RNF175: variants seen among roughly 807,000 people sequenced by gnomAD.
RNF175 encodes ring finger protein 175.
In RNF175, 38 loss-of-function variants were observed where a neutral mutation model predicts 50.0. That is an observed-to-expected ratio of 0.76 (90% CI 0.59 to 1.00). The LOEUF (loss-of-function observed/expected upper bound fraction) is 1.00, where lower values mean the gene tolerates loss of function less well. Among genes scored for constraint, RNF175 ranks in the 50% least tolerant of loss-of-function variants. The pLI is 0.00. For missense variants in RNF175, 388 were observed against 409.6 expected (o/e 0.95, Z 0.46); for synonymous variants, 155 against 146.1 (o/e 1.06, Z -0.44).
At chr4:153,715,708 G>A in intron 6 of RNF175, 46 bp from the exon 7 acceptor site, 1 of 1,584,660 alleles carries the variant, frequency 6.3e-7, no homozygotes, top group Non-Finnish European at 8.6e-7. Context: ...GAGAGCACAT[G>A]CCACTCTCTG....
intron 2 of RNF175, among the ~76,000 whole-genome samples, chr4:153,750,928 A>G (rs1251488586): frequency 8.9e-6 from 1 of 112,756 alleles, no homozygotes; most frequent in African/African-American, 2.6e-5. Flanking sequence ...TATAATAAAA[A>G]TGCATCTCAA....
At position 153,715,656 on chromosome 4, in the gene RNF175, T is replaced by C; in HGVS notation, c.637A>G (p.Ser213Gly). Residue 213 changes from serine to glycine, a missense_variant, in exon 7 of 9, where the codon AGT becomes GGT. Ser to Gly is a moderately conservative substitution (Grantham distance 56). Transcript: ENST00000347063. ...DYMASTIGFY[S>G]VSRLPTRSLS... ...CTCCTTGTAGGCAACCGGCTGACAC[T>C]GTAGAACTATCAGAGGAAATGGACA... 6 of 1,613,624 alleles carry C rather than the reference T, an allele frequency of 3.7e-6. No individual in the cohort carries two copies. Among genetic ancestry groups the C allele is most frequent in the Non-Finnish European group, 5.1e-6 (6 of 1,179,702 alleles).
At chr4:153,745,132 C>G (rs558848566) in intron 3 of RNF175, among the ~76,000 whole-genome samples, 1 of 152,174 alleles carries the variant, frequency 6.6e-6, no homozygotes, top group African/African-American at 2.4e-5. Context: ...AACTGAGGAC[C>G]TTTTCCCTTT....
At chr4:153,754,442 AGTG>A (rs2127166675) in intron 1 of RNF175, among the ~76,000 whole-genome samples, 1 of 152,206 alleles carries the variant, frequency 6.6e-6, no homozygotes, top group South Asian at 2.1e-4. Context: ...GAGTCTGAAA[AGTG>A]AGATGTGTGG....
Position 153,760,015 on chromosome 4 carries a change from G to A in RNF175, c.-153C>T, listed in dbSNP as rs899787477. The A allele has an allele frequency of 4.7e-6, 2 of 425,280 alleles. No homozygotes were observed. Among genetic ancestry groups the A allele is most frequent in the Admixed American group, 4.5e-5 (1 of 22,276 alleles). 26.3% of individuals were successfully genotyped at this position (425,280 alleles called of 1,614,324 possible). A position where few individuals can be genotyped will look rare whatever the true frequency, so the allele number is the denominator to read the frequency against. On this transcript the variant is annotated 5_prime_UTR_variant, in exon 1 of 9. Transcript: ENST00000347063. ...CGGCGGCCCTGCCCGGGTTGTGCGGGGCGGGAGATGGGAGCCTCCCGGCAC... is the reference window on the plus strand; with the variant it reads ...CGGCGGCCCTGCCCGGGTTGTGCGGAGCGGGAGATGGGAGCCTCCCGGCAC...
intron 3 of RNF175, among the ~76,000 whole-genome samples, chr4:153,731,455 G>A (rs1376610931): frequency 3.3e-5 from 5 of 152,122 alleles, no homozygotes; most frequent in Non-Finnish European, 7.3e-5. Context: ...CATCACTCAC[G>A]TTCTCCCCAA....
chr4:153,738,712 T>A (rs576504621), intron 3 of RNF175, among the ~76,000 whole-genome samples: 4 of 152,358 alleles, frequency 2.6e-5, no homozygotes, highest in African/African-American at 9.6e-5. Context: ...CCATTCACAT[T>A]TGAAGTGATT....
At chr4:153,716,442 T>C (rs1384753821) in intron 6 of RNF175, among the ~76,000 whole-genome samples, 1 of 152,192 alleles carries the variant, frequency 6.6e-6, no homozygotes, top group Non-Finnish European at 1.5e-5. Flanking sequence ...TGCTGAGCAA[T>C]CACCATTAGA....
chr4:153,757,583 C>T lies in RNF175; in HGVS notation c.66+2214G>A, dbSNP rs75497264. ...GTATTCATTGGTAAGGAATTCATGT[C>T]ACAAGGCAAGGCTGCATGCCTGTGG... On this transcript the variant is annotated intron_variant, in intron 1 of 8. Coordinates refer to ENST00000347063, the MANE Select transcript of RNF175 (RefSeq NM_173662.4). Among the ~76,000 whole-genome samples, 9 of 152,214 alleles carry T rather than the reference C, an allele frequency of 5.9e-5. No individual in the cohort carries two copies. In the East Asian group the frequency reaches 1.5e-3, roughly 26 times the overall value.
intron 6 of RNF175, among the ~76,000 whole-genome samples, chr4:153,718,226 G>GTTTTTTTTTTTTTTTTTT (rs1325216298): frequency 2.3e-4 from 7 of 30,580 alleles, no homozygotes; most frequent in Non-Finnish European, 2.9e-4. Flanking sequence ...TTGTTTGTTT[G>GTTTTTTTTTTTTTTTTTT]TTTGTTTGTT....
chr4:153,726,045 A>T (rs532745001), intron 4 of RNF175, among the ~76,000 whole-genome samples: 1 of 152,062 alleles, frequency 6.6e-6, no homozygotes, highest in African/African-American at 2.4e-5. Context: ...AATGTGATCA[A>T]GCCCAGCTCT....
intron 2 of RNF175, among the ~76,000 whole-genome samples, chr4:153,750,682 T>G (rs1484484890): frequency 6.9e-6 from 1 of 144,370 alleles, no homozygotes; most frequent in African/African-American, 2.6e-5. Flanking sequence ...AAAAACAAAC[T>G]TGTTCCCCTG....
At chr4:153,725,625 A>G (rs1765697964) in intron 4 of RNF175, among the ~76,000 whole-genome samples, 2 of 152,210 alleles carry the variant, frequency 1.3e-5, no homozygotes, top group African/African-American at 4.8e-5. Flanking sequence ...TTTGCAGCCA[A>G]GTAGTTCTTT....
chr4:153,747,691 C>T (rs985940205), intron 3 of RNF175, among the ~76,000 whole-genome samples: 1 of 152,228 alleles, frequency 6.6e-6, no homozygotes, highest in Non-Finnish European at 1.5e-5. Flanking sequence ...TACTCCATTA[C>T]AGCAAGACCA....
intron 3 of RNF175, chr4:153,745,762 G>C (rs1168634270): frequency 1.3e-5 from 2 of 152,230 alleles, no homozygotes; most frequent in Non-Finnish European, 2.9e-5. Flanking sequence ...AAGAGGGCCA[G>C]AGAAAATGAG....
intron 5 of RNF175, among the ~76,000 whole-genome samples, chr4:153,722,187 C>T (rs1738380106): frequency 6.6e-6 from 1 of 152,168 alleles, no homozygotes; most frequent in Non-Finnish European, 1.5e-5. Flanking sequence ...TGTCTTCAGT[C>T]CCCTTTCCAG....
chr4:153,733,675 TC>T (rs1739173425), intron 3 of RNF175, among the ~76,000 whole-genome samples: 1 of 152,164 alleles, frequency 6.6e-6, no homozygotes, highest in Non-Finnish European at 1.5e-5. Flanking sequence ...TGCAGTTAGA[TC>T]CCCTTGCACA....
intron 1 of RNF175, among the ~76,000 whole-genome samples, chr4:153,755,544 G>A (rs553660065): frequency 2.0e-5 from 3 of 150,024 alleles, no homozygotes; most frequent in African/African-American, 4.9e-5. Context: ...ATGAAGAATC[G>A]AAGATAAATT....
intron 3 of RNF175, among the ~76,000 whole-genome samples, chr4:153,732,323 T>C (rs1016205751): frequency 6.6e-6 from 1 of 152,118 alleles, no homozygotes; most frequent in East Asian, 1.9e-4. Context: ...CCTTAGAAAT[T>C]CAGTTGGTTC....
Sources: gnomAD v4.1 joint callset for allele counts (sites outside exome capture counted in the v4.1 genomes callset) on GRCh38, gnomAD v4.1.1 for gene constraint, MANE v1.5 for transcripts, NCBI Gene and HGNC (gene_info 2026-07-23, HGNC 2026-07-21) for gene names.